Variants in AGBL1 observed in about 807,000 individuals in gnomAD.
AGBL1 encodes AGBL carboxypeptidase 1.
AGBL1 carries 130 observed loss-of-function variants against 118.9 expected under a neutral mutation model. The ratio of observed to expected loss-of-function variants is 1.09; its 90% CI spans 0.95 to 1.26. The LOEUF is 1.26. Among genes scored for constraint, AGBL1 ranks in the 50% most tolerant of loss-of-function variants. AGBL1 has a pLI of 0.00. For missense variants in AGBL1, 1,584 were observed against 1,298.1 expected (o/e 1.22, Z -3.38); for synonymous variants, 555 against 478.9 (o/e 1.16, Z -2.08).
chr15:86,693,457 T>G (rs148438029), intron 22 of AGBL1, among the ~76,000 whole-genome samples: 258 of 152,238 alleles, frequency 1.7e-3, no homozygotes, highest in African/African-American at 6.2e-3. Flanking sequence ...ATTGTTAATT[T>G]TTTTCTTGCT....
intron 17 of AGBL1, among the ~76,000 whole-genome samples, chr15:86,369,797 C>T (rs1478111374): frequency 1.3e-5 from 2 of 152,004 alleles, no homozygotes; most frequent in African/African-American, 4.8e-5. Flanking sequence ...ACAAGGGCTA[C>T]TGTATAATAA....
intron 23 of AGBL1, among the ~76,000 whole-genome samples, chr15:86,951,469 A>C (rs1165201720): frequency 6.6e-6 from 1 of 152,236 alleles, no homozygotes; most frequent in East Asian, 1.9e-4. Flanking sequence ...ATTTTAGTAA[A>C]ATAATTCAAA....
chr15:86,979,508 A>T (rs2081207920), intron 23 of AGBL1, among the ~76,000 whole-genome samples: 1 of 148,160 alleles, frequency 6.7e-6, no homozygotes, highest in East Asian at 2.0e-4. Context: ...GGCGGGGGGG[A>T]GATGGTGTCT....
intron 22 of AGBL1, among the ~76,000 whole-genome samples, chr15:86,895,555 A>G (rs1033907874): frequency 6.6e-6 from 1 of 152,162 alleles, no homozygotes; most frequent in Non-Finnish European, 1.5e-5. Flanking sequence ...TTTTGAGTAT[A>G]GAATTGCAGT....
At position 86,699,678 on chromosome 15, in the gene AGBL1, G is replaced by A. The variant is rs142430800; in HGVS notation, c.3158+25242G>A. ...CTTTGGGCAAGAATACCACAGGGAC[G>A]GTGTTTTTGTCTTTATTAGTGCTTC... is the stretch of plus-strand genomic sequence containing the variant. On this transcript the variant is annotated intron_variant, in intron 22 of 22. Transcript: ENST00000614907. 5.9e-5 allele frequency among the ~76,000 whole-genome samples: 9 copies of A among 152,066 alleles called. No individual in the cohort carries two copies. In the East Asian group the frequency reaches 1.2e-3, roughly 20 times the overall value.
intron 21 of AGBL1, among the ~76,000 whole-genome samples, chr15:86,570,966 G>T (rs192457266): frequency 9.2e-5 from 14 of 152,304 alleles, no homozygotes; most frequent in Admixed American, 7.8e-4. Context: ...GGGCTGGCCT[G>T]TGAGCAGTTT....
chr15:86,155,018 C>A (rs1028601853), intron 4 of AGBL1, among the ~76,000 whole-genome samples: 5 of 152,124 alleles, frequency 3.3e-5, no homozygotes, highest in African/African-American at 9.7e-5. Context: ...TAAAAAAACC[C>A]ATGATCCTTC....
At chr15:86,318,554 G>A (rs1346274831) in intron 17 of AGBL1, among the ~76,000 whole-genome samples, 1 of 151,644 alleles carries the variant, frequency 6.6e-6, no homozygotes, top group East Asian at 1.9e-4. Context: ...TGGGTCCAAA[G>A]ACCACTAGAG....
intron 22 of AGBL1, among the ~76,000 whole-genome samples, chr15:86,889,913 T>TA (rs2141554125): frequency 6.6e-6 from 1 of 152,352 alleles, no homozygotes; most frequent in African/African-American, 2.4e-5. Flanking sequence ...ATATACCCTG[T>TA]AATGGGATTG....
chr15:86,649,768 T>C (rs1009564401), intron 21 of AGBL1, among the ~76,000 whole-genome samples: 1 of 152,126 alleles, frequency 6.6e-6, no homozygotes, highest in African/African-American at 2.4e-5. Flanking sequence ...CATTCTTTTT[T>C]TTTTTGGTGG....
rs189302094 is a variant in AGBL1 at position 86,464,870 on chromosome 15, A to G, written c.2556-57940A>G. ...TATTTTATTGAGGATTTTCGCATCA[A>G]TGTTCATTAGGGATATTGGCCTGAA... On this transcript the variant is annotated intron_variant, in intron 18 of 22. Coordinates refer to ENST00000614907, the MANE Select transcript of AGBL1 (RefSeq NM_001386094.1). Among the ~76,000 whole-genome samples, 21 of 151,774 alleles carry G rather than the reference A, an allele frequency of 1.4e-4. No individual in the cohort carries two copies. The East Asian group carries it at 3.1e-3, about 23-fold the overall frequency.
intron 22 of AGBL1, among the ~76,000 whole-genome samples, chr15:86,823,730 A>T (rs1232963734): frequency 6.6e-6 from 1 of 152,128 alleles, no homozygotes; most frequent in Non-Finnish European, 1.5e-5. Context: ...AACATAGGAG[A>T]AATCACCTGA....
At chr15:86,807,427 T>C (rs2078732617) in intron 22 of AGBL1, among the ~76,000 whole-genome samples, 1 of 152,184 alleles carries the variant, frequency 6.6e-6, no homozygotes. Context: ...ATATTTGCTT[T>C]TGTGGTTGCT....
chr15:86,975,688 T>C (rs72757468), intron 23 of AGBL1, among the ~76,000 whole-genome samples: 6,092 of 152,120 alleles, frequency 0.04, 152 homozygotes, highest in Middle Eastern at 0.068. Context: ...ATGTTCCTTC[T>C]GTCTGAGAAC....
intron 5 of AGBL1, among the ~76,000 whole-genome samples, chr15:86,184,760 T>C (rs192364899): frequency 1.3e-5 from 2 of 152,272 alleles, no homozygotes; most frequent in East Asian, 1.9e-4. Context: ...ACCAATGACT[T>C]TCTTCACAGA....
chr15:86,941,241 C>T (rs2080748023), intron 23 of AGBL1, among the ~76,000 whole-genome samples: 2 of 152,174 alleles, frequency 1.3e-5, no homozygotes, highest in Non-Finnish European at 2.9e-5. Flanking sequence ...TTTTCCTCCA[C>T]ATTTGAAATG....
intron 5 of AGBL1, among the ~76,000 whole-genome samples, chr15:86,166,765 G>T (rs2077347985): frequency 6.6e-6 from 1 of 152,164 alleles, no homozygotes; most frequent in Admixed American, 6.6e-5. Context: ...CAGTGAGAAG[G>T]GTGCTTGATA....
intron 23 of AGBL1, among the ~76,000 whole-genome samples, chr15:86,974,385 A>AATATATTAAATATAAACATATTTT: frequency 1.0e-5 from 1 of 100,384 alleles, no homozygotes; most frequent in Non-Finnish European, 2.0e-5. Context: ...TAAACATTTT[A>AATATATTAAATATAAACATATTTT]ATATATTAAA....
rs577644881 is a variant in AGBL1 at position 86,572,887 on chromosome 15, A to G, written c.2994+18350A>G. Among the ~76,000 whole-genome samples, 4 of 152,340 alleles carry G rather than the reference A, an allele frequency of 2.6e-5. No homozygotes were observed. The East Asian group carries it at 7.7e-4, about 29-fold the overall frequency. ...TATTTCTGTCTCACTGTAAGAGGCC[A>G]ATGACGGTTCAAGTCTTCAACATTC... On this transcript the variant is annotated intron_variant, in intron 21 of 22. Transcript: ENST00000614907.
Sources: gnomAD v4.1 joint callset for allele counts (sites outside exome capture counted in the v4.1 genomes callset) on GRCh38, gnomAD v4.1.1 for gene constraint, MANE v1.5 for transcripts, NCBI Gene and HGNC (gene_info 2026-07-23, HGNC 2026-07-21) for gene names.